Variants in MAGI3 observed in about 807,000 individuals in gnomAD.
MAGI3 encodes membrane associated guanylate kinase, WW and PDZ domain containing 3.
In MAGI3, 43 loss-of-function variants were observed where a neutral mutation model predicts 121.8. That is an observed-to-expected ratio of 0.35 (90% CI 0.28 to 0.46). MAGI3 has a LOEUF of 0.46. Ranked by LOEUF, MAGI3 falls within the 20% of genes least tolerant of loss-of-function variation. The pLI is 1.00. For missense variants in MAGI3, 1,547 were observed against 1,797.3 expected (o/e 0.86, Z 2.52); for synonymous variants, 553 against 639.3 (o/e 0.86, Z 2.04).
chr1:113,404,847 A>G (rs1557737554), intron 1 of MAGI3, among the ~76,000 whole-genome samples: 2 of 152,170 alleles, frequency 1.3e-5, no homozygotes, highest in African/African-American at 2.4e-5. Context: ...GAATCATTCT[A>G]GAATCATCCT....
At chr1:113,446,678 G>A (rs1654193893) in intron 1 of MAGI3, among the ~76,000 whole-genome samples, 1 of 152,122 alleles carries the variant, frequency 6.6e-6, no homozygotes, top group South Asian at 2.1e-4. Context: ...AAAGTGAAAG[G>A]ATTGAAAAAG....
At chr1:113,525,934 G>A (rs1449229805) in intron 1 of MAGI3, among the ~76,000 whole-genome samples, 6 of 152,000 alleles carry the variant, frequency 3.9e-5, no homozygotes, top group South Asian at 2.1e-4. Flanking sequence ...CTTGGGAGGC[G>A]GAGATTGCAG....
chr1:113,450,301 A>G (rs1654412945), intron 1 of MAGI3: 1 of 1,561,446 alleles, frequency 6.4e-7, no homozygotes, highest in Non-Finnish European at 8.8e-7. Flanking sequence ...TGGCAATTTT[A>G]TGGGTCGCGG....
intron 1 of MAGI3, among the ~76,000 whole-genome samples, chr1:113,424,044 A>G (rs1433926871): frequency 1.3e-5 from 2 of 152,130 alleles, no homozygotes; most frequent in Non-Finnish European, 2.9e-5. Flanking sequence ...CAAGAGCGCA[A>G]GGATACCCAG....
chr1:113,537,592 C>G (rs1412865172), intron 1 of MAGI3, among the ~76,000 whole-genome samples: 1 of 152,178 alleles, frequency 6.6e-6, no homozygotes, highest in African/African-American at 2.4e-5. Flanking sequence ...ATTTTCTATT[C>G]AGAGTTTGCA....
intron 4 of MAGI3, among the ~76,000 whole-genome samples, chr1:113,590,115 G>A (rs1396165244): frequency 6.6e-6 from 1 of 152,034 alleles, no homozygotes; most frequent in Non-Finnish European, 1.5e-5. Context: ...TACTCACAGG[G>A]TTGCTGTGAT....
intron 1 of MAGI3, among the ~76,000 whole-genome samples, chr1:113,534,671 G>A (rs941553021): frequency 6.6e-6 from 1 of 152,168 alleles, no homozygotes; most frequent in Non-Finnish European, 1.5e-5. Context: ...TGACACCAAA[G>A]ACAGGTATTA....
chr1:113,599,197 G>T (rs1173751078), intron 6 of MAGI3, among the ~76,000 whole-genome samples: 2 of 152,106 alleles, frequency 1.3e-5, no homozygotes, highest in Non-Finnish European at 2.9e-5. Context: ...AAAGCTAGCA[G>T]AAGGCAAGAA....
chr1:113,449,778 G>A, intron 1 of MAGI3: 1 of 1,068,558 alleles, frequency 9.4e-7, no homozygotes, highest in Non-Finnish European at 1.4e-6. Context: ...AACTACAGAT[G>A]ATAGTTTAAG....
chr1:113,551,697 A>G (rs1424215189), intron 2 of MAGI3, among the ~76,000 whole-genome samples: 2 of 152,086 alleles, frequency 1.3e-5, no homozygotes, highest in Non-Finnish European at 2.9e-5. Flanking sequence ...TTAAATTTTT[A>G]TTGATGTGAT....
intron 1 of MAGI3, among the ~76,000 whole-genome samples, chr1:113,510,455 A>T (rs1447923386): frequency 2.6e-5 from 4 of 151,992 alleles, no homozygotes; most frequent in Admixed American, 2.6e-4. Context: ...CAAAGCACCA[A>T]ATATCTGTTT....
intron 1 of MAGI3, among the ~76,000 whole-genome samples, chr1:113,533,245 C>T (rs1658810083): frequency 6.6e-6 from 1 of 152,202 alleles, no homozygotes; most frequent in African/African-American, 2.4e-5. Context: ...CCATGGAATA[C>T]TATGCAGCCA....
intron 1 of MAGI3, among the ~76,000 whole-genome samples, chr1:113,397,880 A>G (rs924244085): frequency 2.6e-5 from 4 of 152,162 alleles, no homozygotes; most frequent in African/African-American, 7.2e-5. Context: ...TTGGAAGTCT[A>G]GCCAGTTTTA....
At chr1:113,506,274 T>C (rs1461118523) in intron 1 of MAGI3, among the ~76,000 whole-genome samples, 4 of 152,206 alleles carry the variant, frequency 2.6e-5, no homozygotes, top group Non-Finnish European at 4.4e-5. Context: ...GAATATACTT[T>C]AGTGCCCCCA....
intron 1 of MAGI3, among the ~76,000 whole-genome samples, chr1:113,504,366 G>C (rs1177294517): frequency 1.3e-5 from 2 of 152,040 alleles, no homozygotes; most frequent in East Asian, 3.8e-4. Flanking sequence ...CTTATAATTT[G>C]TTTAGAAGAT....
At chr1:113,618,341 A>C (rs1385954083) in intron 7 of MAGI3, among the ~76,000 whole-genome samples, 1 of 152,094 alleles carries the variant, frequency 6.6e-6, no homozygotes, top group Non-Finnish European at 1.5e-5. Context: ...TGTCTCCAAA[A>C]AAAAAATAAA....
chr1:113,442,495 G>T lies in MAGI3; in HGVS notation c.316+51146G>T, dbSNP rs971340272. ...TTTATTGTGGATAAGTCATACCAAG[G>T]TCACTTGCAAAAAAAATTGGTTAAC... On this transcript the variant is annotated intron_variant, in intron 1 of 20. Coordinates refer to ENST00000307546, the MANE Select transcript of MAGI3 (RefSeq NM_001142782.2). 2.0e-5 allele frequency among the ~76,000 whole-genome samples: 3 copies of T among 151,720 alleles called. No homozygotes were observed. In the East Asian group the frequency reaches 5.8e-4, roughly 29 times the overall value.
chr1:113,533,967 T>A (rs566031312), intron 1 of MAGI3, among the ~76,000 whole-genome samples: 93 of 152,278 alleles, frequency 6.1e-4, no homozygotes, highest in Non-Finnish European at 9.4e-4. Context: ...TTATTAAACA[T>A]TTAGTTCATT....
intron 1 of MAGI3, among the ~76,000 whole-genome samples, chr1:113,534,321 T>A (rs1439534198): frequency 6.6e-6 from 1 of 152,246 alleles, no homozygotes; most frequent in African/African-American, 2.4e-5. Flanking sequence ...TTTAGTGACT[T>A]CACCACAGAG....
Sources: gnomAD v4.1 joint callset for allele counts (sites outside exome capture counted in the v4.1 genomes callset) on GRCh38, gnomAD v4.1.1 for gene constraint, MANE v1.5 for transcripts, NCBI Gene and HGNC (gene_info 2026-07-23, HGNC 2026-07-21) for gene names.